Variants in THBS4 observed in about 807,000 individuals in gnomAD.
THBS4 encodes the protein thrombospondin-4.
Under a neutral mutation model 115.7 loss-of-function variants are expected in THBS4, and 90 were observed. The ratio of observed to expected loss-of-function variants is 0.78; its 90% CI spans 0.66 to 0.93. THBS4 has a LOEUF of 0.93. Ranked by LOEUF, THBS4 falls within the 40% of genes least tolerant of loss-of-function variation. The pLI, the probability that THBS4 is intolerant of heterozygous loss-of-function variation, is 0.00. For synonymous variants in THBS4, 460 were observed against 479.3 expected, an observed-to-expected ratio of 0.96 and a Z score of 0.53; for missense variants, 1,087 against 1,232.7, an observed-to-expected ratio of 0.88 and a Z score of 1.77.
rs565073352 is a variant in THBS4 at position 80,070,315 on chromosome 5, G to A, written c.1357G>A (p.Gly453Ser). 54 of 1,586,398 alleles carry A rather than the reference G, an allele frequency of 3.4e-5. No individual in the cohort carries two copies. The East Asian group carries it at 6.5e-4, about 19-fold the overall frequency. ...QGDVTCVCGV[G>S]WAGDGYICGK... ...GGCTTTCCCTTTACAGTGTGGAGTC[G>A]GTTGGGCTGGAGATGGCTATATCTG... Residue 453 changes from glycine to serine, a missense_variant, in exon 11 of 22, where the codon GGT (glycine) becomes AGT (serine). Gly to Ser is a moderately conservative substitution (Grantham distance 56). Transcript: ENST00000350881.
chr5:80,078,351 C>G, intron 17 of THBS4, 124 bp downstream of exon 17: 1 of 749,650 alleles, frequency 1.3e-6, no homozygotes, highest in Non-Finnish European at 2.0e-6. Context: ...CGCTCTTATT[C>G]CTCAACAGCC....
intron 1 of THBS4, chr5:80,036,311 G>C: frequency 1.7e-6 from 1 of 588,156 alleles, no homozygotes; most frequent in Non-Finnish European, 2.1e-6. Flanking sequence ...GTTCTCACAA[G>C]CGGGAGCTAA....
At chr5:80,066,233 T>C (rs531504554) in intron 9 of THBS4, 4 of 152,312 alleles carry the variant, frequency 2.6e-5, no homozygotes, top group South Asian at 4.1e-4. Context: ...GTGTCCAAGA[T>C]GAGAGATGTA....
At position 80,061,721 on chromosome 5, in the gene THBS4, C is replaced by A; in HGVS notation, c.1014C>A (p.Gly338=). ...DECKYHPCYP[G]VHCINLSPGF... is the part of the protein sequence containing the mutation. ...GCAAATACCATCCCTGCTACCCGGG[C>A]GTGCACTGCATAAATTTGTCTCCTG... The change falls in exon 8 of 22, where the codon GGC becomes GGA. Residue 338 remains glycine (G), a synonymous_variant. Transcript: ENST00000350881. The A allele has an allele frequency of 6.2e-7, 1 of 1,614,030 alleles. No homozygotes were observed. Among genetic ancestry groups the A allele is most frequent in the Non-Finnish European group, 8.5e-7 (1 of 1,179,980 alleles).
chr5:80,040,211 T>C lies in THBS4; in HGVS notation c.223T>C (p.Phe75Leu), dbSNP rs1032690390. 3 of 1,614,170 alleles carry C rather than the reference T, an allele frequency of 1.9e-6. No individual in the cohort carries two copies. Among genetic ancestry groups the C allele is most frequent in the Non-Finnish European group, 2.5e-6 (3 of 1,180,024 alleles). The change falls in exon 2 of 22, where the codon TTC becomes CTC. Residue 75 changes from phenylalanine (F) to leucine (L), a missense_variant. Phe to Leu is a conservative substitution (Grantham distance 22). Around this residue, in one of 3 missense-constraint regions of THBS4, gnomAD observed 979 missense variants for 1,103.7 expected, o/e 0.89. Coordinates refer to ENST00000350881, the MANE Select transcript of THBS4 (RefSeq NM_003248.6). ...GCAGACTAAAAGTTCAGCCACCATC[T>C]TCGGTCTTTACTCTTCAACTGACAA... ...KLQTKSSATI[F>L]GLYSSTDNSK... is the part of the protein sequence containing the mutation.
At chr5:80,036,315 G>A in intron 1 of THBS4, 1 of 539,684 alleles carries the variant, frequency 1.9e-6, no homozygotes, top group Non-Finnish European at 2.4e-6. Context: ...TCACAAGCGG[G>A]AGCTAAGCAG....
chr5:80,003,867 G>A (rs948358581), intron 2 of THBS4, among the ~76,000 whole-genome samples: 1 of 152,208 alleles, frequency 6.6e-6, no homozygotes, highest in Non-Finnish European at 1.5e-5. Flanking sequence ...AGAGGTTCTG[G>A]AGAAGCTCTT....
chr5:80,036,519 A>G (rs1024170847), intron 1 of THBS4, among the ~76,000 whole-genome samples: 5 of 152,378 alleles, frequency 3.3e-5, no homozygotes, highest in African/African-American at 1.2e-4. Flanking sequence ...TAATTTAAAA[A>G]GAAAAAAGAA....
intron 4 of THBS4, 84 bp from the exon 5 acceptor site, chr5:80,058,624 T>A: frequency 8.4e-7 from 1 of 1,195,034 alleles, no homozygotes; most frequent in South Asian, 1.2e-5. Context: ...GTCAGGATGA[T>A]TTCCTGGGGA....
chr5:80,073,527 G>A (rs1743019231), intron 15 of THBS4, among the ~76,000 whole-genome samples, 200 bp downstream of exon 15: 1 of 152,064 alleles, frequency 6.6e-6, no homozygotes, highest in Non-Finnish European at 1.5e-5. Context: ...GGGACTACAG[G>A]CGCCCGCTAC....
At position 80,065,113 on chromosome 5, in the gene THBS4, A is replaced by T. The variant is rs571251891; in HGVS notation, c.1126-296A>T. 5.9e-5 allele frequency among the ~76,000 whole-genome samples: 9 copies of T among 152,246 alleles called. No individual in the cohort carries two copies. In the South Asian group the frequency reaches 1.9e-3, roughly 32 times the overall value. On this transcript the variant is annotated intron_variant, in intron 8 of 21. Coordinates refer to ENST00000350881, the MANE Select transcript of THBS4 (RefSeq NM_003248.6). ...AGAACTGCATTGATTCCCAAGCAAG[A>T]TTAAAAAAAAAAATAAAACTTTCCT...
At chr5:80,055,427 C>T (rs528137076) in intron 2 of THBS4, among the ~76,000 whole-genome samples, 2 of 152,196 alleles carry the variant, frequency 1.3e-5, no homozygotes, top group South Asian at 2.1e-4. Flanking sequence ...TGGATTCATG[C>T]TCTACGCTTA....
chr5:80,065,354 A>G, intron 8 of THBS4, 55 bp from the exon 9 acceptor site: 3 of 1,477,988 alleles, frequency 2.0e-6, no homozygotes, highest in Non-Finnish European at 1.9e-6. Context: ...ATTTATTTGC[A>G]TTTCTATTTA....
intron 2 of THBS4, among the ~76,000 whole-genome samples, chr5:80,020,583 T>C (rs1832351126): frequency 6.6e-6 from 1 of 152,200 alleles, no homozygotes; most frequent in Non-Finnish European, 1.5e-5. Context: ...GGACTCCAAC[T>C]GTACAAGGGG....
intron 2 of THBS4, among the ~76,000 whole-genome samples, chr5:80,025,731 G>T (rs2434275): frequency 1.3e-5 from 2 of 151,772 alleles, no homozygotes; most frequent in African/African-American, 4.8e-5. Flanking sequence ...ACCCTTTGTC[G>T]CCTCTCACCT....
chr5:80,011,929 C>T (rs6878264), intron 2 of THBS4, among the ~76,000 whole-genome samples: 26,315 of 151,452 alleles, frequency 0.17, 2,363 homozygotes, highest in South Asian at 0.25. Context: ...TTGTATTGAC[C>T]CAAGAAAGCA....
chr5:80,077,267 T>G (rs1434993943), intron 16 of THBS4, among the ~76,000 whole-genome samples: 1 of 152,204 alleles, frequency 6.6e-6, no homozygotes, highest in Non-Finnish European at 1.5e-5. Context: ...GCTTTGCATC[T>G]TCCTGAACAA....
chr5:80,002,544 G>A (rs1484016507), intron 2 of THBS4, among the ~76,000 whole-genome samples: 2 of 152,012 alleles, frequency 1.3e-5, no homozygotes, highest in South Asian at 2.1e-4. Context: ...TAATGTGAAC[G>A]ATGTTCATGC....
chr5:79,993,444 C>T (rs912544778), intron 1 of THBS4, among the ~76,000 whole-genome samples: 1 of 152,166 alleles, frequency 6.6e-6, no homozygotes, highest in Non-Finnish European at 1.5e-5. Context: ...TAGTTGGCTC[C>T]TGTGCCTTTT....
Sources: gnomAD v4.1 joint callset for allele counts (sites outside exome capture counted in the v4.1 genomes callset) on GRCh38, gnomAD v4.1.1 for gene constraint, gnomAD v4.1.1 regional missense constraint, MANE v1.5 for transcripts, NCBI Gene and HGNC (gene_info 2026-07-23, HGNC 2026-07-21) for gene names.